Variants in CCDC102B observed in about 807,000 individuals in gnomAD.
The protein encoded by CCDC102B is coiled-coil domain-containing protein 102B.
A neutral mutation model predicts 57.4 loss-of-function variants in CCDC102B; 75 were observed. The observed-to-expected ratio is 1.31, with a 90% CI of 1.08 to 1.58. CCDC102B has a LOEUF of 1.58. CCDC102B is among the 40% of genes most tolerant of loss of function. The pLI, the probability that CCDC102B is intolerant of heterozygous loss-of-function variation, is 0.00. For synonymous variants in CCDC102B, 206 were observed against 201.9 expected, an observed-to-expected ratio of 1.02 and a Z score of -0.17; for missense variants, 636 against 582.6, an observed-to-expected ratio of 1.09 and a Z score of -0.94.
intron 2 of CCDC102B, among the ~76,000 whole-genome samples, chr18:68,737,670 A>G (rs138943300): frequency 6.6e-6 from 1 of 152,182 alleles, no homozygotes; most frequent in African/African-American, 2.4e-5. Flanking sequence ...ATCCTGGTAG[A>G]TCACCAGAGT....
At chr18:69,031,186 T>C (rs1268816043) in intron 7 of CCDC102B, among the ~76,000 whole-genome samples, 1 of 152,212 alleles carries the variant, frequency 6.6e-6, no homozygotes, top group Non-Finnish European at 1.5e-5. Flanking sequence ...AGGATATTTA[T>C]ATTGTAGAAG....
intron 6 of CCDC102B, among the ~76,000 whole-genome samples, chr18:68,927,645 C>CT (rs1442681903): frequency 6.6e-6 from 1 of 151,906 alleles, no homozygotes; most frequent in Non-Finnish European, 1.5e-5. Context: ...GTTAACTAGG[C>CT]TTTTTTGAAA....
intron 2 of CCDC102B, among the ~76,000 whole-genome samples, chr18:68,786,703 C>G (rs1425826837): frequency 7.0e-6 from 1 of 143,108 alleles, no homozygotes; most frequent in Non-Finnish European, 1.5e-5. Context: ...GCTGAAGTTG[C>G]TTATCAGCTT....
intron 2 of CCDC102B, among the ~76,000 whole-genome samples, chr18:68,751,185 T>C (rs183379101): frequency 6.6e-6 from 1 of 152,228 alleles, no homozygotes; most frequent in South Asian, 2.1e-4. Context: ...AAAGCCACTG[T>C]GAATACTGGA....
intron 2 of CCDC102B, among the ~76,000 whole-genome samples, chr18:68,742,812 A>G (rs752363880): frequency 6.6e-6 from 1 of 152,198 alleles, no homozygotes; most frequent in Non-Finnish European, 1.5e-5. Context: ...TGTGCTGGGT[A>G]TAGAGACAGC....
intron 7 of CCDC102B, among the ~76,000 whole-genome samples, chr18:69,017,806 C>G (rs1482971001): frequency 6.6e-6 from 1 of 152,130 alleles, no homozygotes; most frequent in African/African-American, 2.4e-5. Flanking sequence ...TTCCCTGCCC[C>G]CTGCCCCGGG....
chr18:68,752,333 T>C (rs2033886758), intron 2 of CCDC102B, among the ~76,000 whole-genome samples: 1 of 150,334 alleles, frequency 6.7e-6, no homozygotes, highest in South Asian at 2.1e-4. Flanking sequence ...TCAGCAACAA[T>C]GGAAGCCAGG....
At chr18:68,919,565 G>T (rs2041200356) in intron 6 of CCDC102B, among the ~76,000 whole-genome samples, 1 of 152,094 alleles carries the variant, frequency 6.6e-6, no homozygotes, top group South Asian at 2.1e-4. Flanking sequence ...TGGAATTTGA[G>T]GCAATTCCTT....
exon 1 of CCDC102B, chr18:68,715,250 G>T: frequency 7.5e-7 from 1 of 1,336,038 alleles, no homozygotes; most frequent in African/African-American, 1.5e-5. Context: ...CCCCCTCCAC[G>T]CCCAGGAGCG....
chr18:68,836,885 A>G lies in CCDC102B; in HGVS notation c.122A>G (p.Asn41Ser), dbSNP rs1188077457. The stretch of plus-strand genomic sequence containing the variant: ...GCCTCACCCCCCAGGGATACCTGTA[A>G]TACCTGCTTCCCACTTCATGGGCTA... ...APASPPRDTCNTCFPLHGLQS... is the reference protein window; with the variant it reads ...APASPPRDTCSTCFPLHGLQS... Residue 41 changes from asparagine to serine, a missense_variant, in exon 2 of 8, where the codon AAT (asparagine) becomes AGT (serine). Physicochemically the swap from Asn to Ser is conservative, Grantham distance 46. Transcript: ENST00000360242. 1 of 1,614,158 alleles carries G rather than the reference A, an allele frequency of 6.2e-7. No homozygotes were observed.
chr18:69,014,040 A>G (rs1338656834), intron 7 of CCDC102B, among the ~76,000 whole-genome samples: 1 of 152,190 alleles, frequency 6.6e-6, no homozygotes, highest in Non-Finnish European at 1.5e-5. Flanking sequence ...TGACTCTACC[A>G]GAACATCTTC....
intron 4 of CCDC102B, among the ~76,000 whole-genome samples, chr18:68,849,613 C>T (rs1302876433): frequency 6.6e-6 from 1 of 152,006 alleles, no homozygotes; most frequent in Non-Finnish European, 1.5e-5. Context: ...CGTATTAGCC[C>T]ATTGTTTGAA....
chr18:68,895,098 T>C (rs2145008305), intron 5 of CCDC102B, among the ~76,000 whole-genome samples: 1 of 151,972 alleles, frequency 6.6e-6, no homozygotes, highest in East Asian at 1.9e-4. Context: ...GAGGCAATGA[T>C]AGAAACTTTA....
chr18:68,991,578 T>C (rs1472243199), intron 6 of CCDC102B, among the ~76,000 whole-genome samples: 1 of 152,194 alleles, frequency 6.6e-6, no homozygotes. Context: ...AAAAAGAACT[T>C]GTGATTCCAT....
At chr18:68,915,764 T>C (rs1215197475) in intron 6 of CCDC102B, among the ~76,000 whole-genome samples, 1 of 152,230 alleles carries the variant, frequency 6.6e-6, no homozygotes, top group Non-Finnish European at 1.5e-5. Context: ...TATCCACTTT[T>C]TGCTTATTAG....
At chr18:68,763,212 T>C (rs186419629) in intron 2 of CCDC102B, among the ~76,000 whole-genome samples, 8 of 152,254 alleles carry the variant, frequency 5.3e-5, no homozygotes, top group Non-Finnish European at 8.8e-5. Flanking sequence ...TTTTTTTAAA[T>C]GAATCATCTC....
intron 7 of CCDC102B, among the ~76,000 whole-genome samples, chr18:69,025,703 C>G (rs2051969498): frequency 6.6e-6 from 1 of 152,142 alleles, no homozygotes; most frequent in Non-Finnish European, 1.5e-5. Context: ...TCTGTCATTA[C>G]TTGGTAACAG....
chr18:68,798,911 T>C (rs966555433), intron 1 of CCDC102B, among the ~76,000 whole-genome samples: 6 of 152,118 alleles, frequency 3.9e-5, no homozygotes, highest in Non-Finnish European at 7.4e-5. Context: ...AGTGAGTACA[T>C]TTATTAAATA....
intron 7 of CCDC102B, among the ~76,000 whole-genome samples, chr18:69,037,832 C>T (rs1028767346): frequency 3.9e-5 from 6 of 151,972 alleles, no homozygotes; most frequent in Non-Finnish European, 8.8e-5. Context: ...ATTTGTAGCA[C>T]TGGGGGCTAT....
Sources: gnomAD v4.1 joint callset for allele counts (sites outside exome capture counted in the v4.1 genomes callset) on GRCh38, gnomAD v4.1.1 for gene constraint, MANE v1.5 for transcripts, NCBI Gene and HGNC (gene_info 2026-07-23, HGNC 2026-07-21) for gene names.